The following CPED1 variants were observed in gnomAD, a reference collection of about 807,000 sequenced individuals.
The protein encoded by CPED1 is cadherin like and PC-esterase domain containing 1.
Under a neutral mutation model 128.2 loss-of-function variants are expected in CPED1, and 114 were observed. The observed-to-expected ratio is 0.89, with a 90% CI of 0.76 to 1.04. CPED1 has a LOEUF of 1.04. Ranked by LOEUF, CPED1 falls within the 50% of genes least tolerant of loss-of-function variation. The probability of loss-of-function intolerance (pLI) is 0.00; values close to 1 mark genes in which losing one functional copy is unlikely to be tolerated. For synonymous variants in CPED1, 462 were observed against 426.7 expected, an observed-to-expected ratio of 1.08 and a Z score of -1.02; for missense variants, 1,211 against 1,207.1, an observed-to-expected ratio of 1.00 and a Z score of -0.05.
At chr7:121,251,157 C>T (rs1798663324) in intron 18 of CPED1, among the ~76,000 whole-genome samples, 1 of 152,056 alleles carries the variant, frequency 6.6e-6, no homozygotes, top group Admixed American at 6.6e-5. Context: ...AAGGCTGGTT[C>T]AACATATGAA....
chr7:121,224,345 CT>C (rs1329708681), intron 16 of CPED1, among the ~76,000 whole-genome samples: 4 of 152,114 alleles, frequency 2.6e-5, no homozygotes, highest in Non-Finnish European at 5.9e-5. Context: ...GATTTCTGAT[CT>C]TTTACATGTA....
At chr7:121,008,328 T>A (rs936514313) in intron 2 of CPED1, among the ~76,000 whole-genome samples, 14 of 152,150 alleles carry the variant, frequency 9.2e-5, no homozygotes, top group African/African-American at 3.4e-4. Flanking sequence ...AACAAGATAA[T>A]AAGTAGCATT....
At chr7:121,091,078 G>A (rs779363079) in intron 5 of CPED1, among the ~76,000 whole-genome samples, 1 of 152,022 alleles carries the variant, frequency 6.6e-6, no homozygotes, top group Non-Finnish European at 1.5e-5. Flanking sequence ...TAAATCTGTT[G>A]ACTACAAGCT....
intron 2 of CPED1, among the ~76,000 whole-genome samples, chr7:120,994,733 G>A (rs1243848733): frequency 1.3e-5 from 2 of 151,656 alleles, no homozygotes; most frequent in Non-Finnish European, 2.9e-5. Context: ...TCTAGATGTT[G>A]GAAATGTGCA....
chr7:121,212,955 T>G (rs1411782767), intron 16 of CPED1, among the ~76,000 whole-genome samples: 1 of 151,996 alleles, frequency 6.6e-6, no homozygotes, highest in Non-Finnish European at 1.5e-5. Context: ...AAAGATGCGT[T>G]GAGGCTTTTT....
At chr7:121,031,311 T>C (rs1212655594) in intron 3 of CPED1, among the ~76,000 whole-genome samples, 1 of 152,180 alleles carries the variant, frequency 6.6e-6, no homozygotes, top group Non-Finnish European at 1.5e-5. Flanking sequence ...GCCAACTTTT[T>C]TCTTTTTTTG....
In CPED1 at chr7:121,127,274, G is replaced by T. The variant is rs764304846; in HGVS notation, c.1302+17G>T. ...GTTTTCAAGGTAAGTGCATATTTGT[G>T]TACTGATAAATATTTTTTCAAGTCA... On this transcript the variant is annotated intron_variant, in intron 10 of 22. Coordinates refer to ENST00000310396, the MANE Select transcript of CPED1 (RefSeq NM_024913.5). 9 of 1,460,754 alleles carry T rather than the reference G, an allele frequency of 6.2e-6. No homozygotes were observed. The highest frequency in any genetic ancestry group is 8.4e-6 in the Non-Finnish European group (9 of 1,070,142). The allele number at this position is 1,460,754 out of a possible 1,614,324, so 90.5% of individuals were successfully genotyped here.
At chr7:121,038,635 G>C (rs1412647840) in intron 3 of CPED1, among the ~76,000 whole-genome samples, 1 of 151,382 alleles carries the variant, frequency 6.6e-6, no homozygotes, top group Non-Finnish European at 1.5e-5. Context: ...GATTTTCTTA[G>C]TTTTCATCTA....
intron 5 of CPED1, among the ~76,000 whole-genome samples, chr7:121,064,733 C>A (rs543362036): frequency 6.6e-6 from 1 of 152,238 alleles, no homozygotes; most frequent in South Asian, 2.1e-4. Flanking sequence ...CTCAATTTGT[C>A]TGTGTGTTAA....
rs550725802 is a variant in CPED1, at chr7:121,100,703, T to C, written c.918+609T>C. On this transcript the variant is annotated intron_variant, in intron 7 of 22. Transcript: ENST00000310396. Reference sequence around the variant, plus strand: ...CTAGTGACAATATGTTTGATAAATTTGAAAGAAATTTTGATTTTACAGTAT... The same window carrying C: ...CTAGTGACAATATGTTTGATAAATTCGAAAGAAATTTTGATTTTACAGTAT... Among the ~76,000 whole-genome samples the C allele has an allele frequency of 2.0e-5, 3 of 152,322 alleles. No individual in the cohort carries two copies. The South Asian group carries it at 6.2e-4, about 32-fold the overall frequency.
chr7:121,102,550 A>G (rs890138276), intron 7 of CPED1, among the ~76,000 whole-genome samples: 19 of 152,134 alleles, frequency 1.2e-4, no homozygotes, highest in African/African-American at 4.3e-4. Flanking sequence ...TTCCTCCGTT[A>G]TATGTCATCA....
At chr7:121,130,031 C>A in intron 11 of CPED1, 94 bp from the exon 12 acceptor site, 3 of 1,055,912 alleles carry the variant, frequency 2.8e-6, no homozygotes, top group Non-Finnish European at 4.1e-6. Context: ...AAATATCTGA[C>A]TTTTTAAATA....
rs560108111 is a variant in CPED1, at chr7:120,999,477, T to C, written c.249+9607T>C. Reference sequence around the variant, plus strand: ...CATCTCTTCTTTCTTATCCTCATTGTCACCATCATCTAACCTCTATTTCTG... The same window carrying C: ...CATCTCTTCTTTCTTATCCTCATTGCCACCATCATCTAACCTCTATTTCTG... On this transcript the variant is annotated intron_variant, in intron 2 of 22. Coordinates refer to ENST00000310396, the MANE Select transcript of CPED1 (RefSeq NM_024913.5). Among the ~76,000 whole-genome samples, 4 of 152,298 alleles carry C rather than the reference T, an allele frequency of 2.6e-5. No individual in the cohort carries two copies. In the South Asian group the frequency reaches 6.2e-4, roughly 24 times the overall value.
At position 121,276,837 on chromosome 7, in the gene CPED1, G is replaced by A. The variant is rs531188329; in HGVS notation, c.2868+5407G>A. Among the ~76,000 whole-genome samples, 211 of 152,254 alleles carry A rather than the reference G, an allele frequency of 1.4e-3. 2 individuals are homozygous for A. The highest frequency in any genetic ancestry group is 4.4e-3 in the African/African-American group (182 of 41,568). The stretch of plus-strand genomic sequence containing the variant: ...AATCACAAAAGAATATTTGAAAAAA[G>A]TAGGTGAGGGCAAGATCATGGTAAG... On this transcript the variant is annotated intron_variant, in intron 22 of 22. Transcript: ENST00000310396.
chr7:121,229,294 C>A (rs1435140950), intron 16 of CPED1, among the ~76,000 whole-genome samples: 1 of 151,878 alleles, frequency 6.6e-6, no homozygotes, highest in Non-Finnish European at 1.5e-5. Context: ...TGCTTATAGC[C>A]TAAATAGCAT....
At chr7:121,131,416 C>T (rs1795661285) in intron 12 of CPED1, among the ~76,000 whole-genome samples, 1 of 151,316 alleles carries the variant, frequency 6.6e-6, no homozygotes, top group Admixed American at 6.6e-5. Context: ...TACACTCACT[C>T]AAATAATCTA....
intron 3 of CPED1, among the ~76,000 whole-genome samples, chr7:121,024,148 G>A (rs1256527158): frequency 3.3e-5 from 5 of 152,018 alleles, no homozygotes; most frequent in East Asian, 1.9e-4. Flanking sequence ...ATGTATTTAC[G>A]ACCAAACAGA....
At chr7:121,116,092 GAAC>G in intron 7 of CPED1, among the ~76,000 whole-genome samples, 1 of 152,218 alleles carries the variant, frequency 6.6e-6, no homozygotes, top group South Asian at 2.1e-4. Context: ...CTCTGCTTCT[GAAC>G]AATTCCCTTA....
intron 16 of CPED1, among the ~76,000 whole-genome samples, chr7:121,209,598 G>A (rs1186381831): frequency 2.0e-5 from 3 of 151,834 alleles, no homozygotes; most frequent in Non-Finnish European, 4.4e-5. Flanking sequence ...ATACACAAAA[G>A]TCAAATCAAC....
Sources: allele counts gnomAD v4.1 joint callset (sites outside exome capture counted in the v4.1 genomes callset), GRCh38; gene constraint gnomAD v4.1.1; transcripts MANE v1.5; gene names NCBI Gene and HGNC (gene_info 2026-07-23, HGNC 2026-07-21).